ERMAP: variants seen among roughly 807,000 people sequenced by gnomAD.
ERMAP encodes erythroblast membrane associated protein (Scianna blood group), also known as erythroid membrane-associated protein.
In ERMAP, 34 loss-of-function variants were observed where a neutral mutation model predicts 49.5. The observed-to-expected ratio is 0.69, with a 90% confidence interval of 0.52 to 0.91. The LOEUF (loss-of-function observed/expected upper bound fraction) is 0.91, where lower values mean the gene tolerates loss of function less well. Among genes scored for constraint, ERMAP ranks in the 40% least tolerant of loss-of-function variants. ERMAP has a pLI of 0.00. For synonymous variants in ERMAP, 214 were observed against 232.2 expected (o/e 0.92, Z 0.71); for missense variants, 541 against 582.6 (o/e 0.93, Z 0.74).
At chr1:42,825,483 G>A (rs747380334) in intron 1 of ERMAP, 140 bp from the exon 2 acceptor site, 166 of 1,176,236 alleles carry the variant, frequency 1.4e-4, no homozygotes, top group Non-Finnish European at 1.7e-4. Flanking sequence ...TCTTTGCTCT[G>A]TTCTTTTATC....
chr1:42,818,192 G>A (rs907524772), intron 1 of ERMAP, among the ~76,000 whole-genome samples: 1 of 152,202 alleles, frequency 6.6e-6, no homozygotes, highest in African/African-American at 2.4e-5. Context: ...ATGGACACAC[G>A]CTTCCAGTCA....
Position 42,844,547 on chromosome 1 carries a change from G to A in ERMAP, c.*1315G>A, listed in dbSNP as rs11806841. The A allele has an allele frequency of 1.9e-3, 290 of 154,840 alleles. No individual in the cohort carries two copies. Among genetic ancestry groups the A allele is most frequent in the African/African-American group, 6.7e-3 (280 of 41,694 alleles). The allele number at this position is 154,840 out of a possible 1,614,324, so 9.6% of individuals were successfully genotyped here. ...GGCGGTTAAATCCCAAGATCTGCAG[G>A]ATAAGTCAGCAAGATGGAGTCCCAT... On this transcript the variant is annotated 3_prime_UTR_variant, in exon 12 of 12. Transcript: ENST00000372517. The surrounding 1 kb of genome is among the most constrained non-coding windows in gnomAD (Gnocchi z 4.0).
At chr1:42,842,381 T>TG in intron 11 of ERMAP, 136 bp from the exon 12 acceptor site, 1 of 688,602 alleles carries the variant, frequency 1.5e-6, no homozygotes, top group East Asian at 2.7e-5. Flanking sequence ...GTACACATGG[T>TG]GGGGGCGGGA....
Position 42,825,674 on chromosome 1 carries a change from T to C in ERMAP, c.-70T>C, listed in dbSNP as rs1654523233. 22 of 1,289,122 alleles carry C rather than the reference T, an allele frequency of 1.7e-5. No homozygotes were observed. Among genetic ancestry groups the C allele is most frequent in the Non-Finnish European group, 2.2e-5 (22 of 988,836 alleles). The allele number at this position is 1,289,122 out of a possible 1,614,324, so 79.9% of individuals were successfully genotyped here. A position where few individuals can be genotyped will look rare whatever the true frequency, so the allele number is the denominator to read the frequency against. On this transcript the variant is annotated 5_prime_UTR_variant, in exon 2 of 12. Coordinates refer to ENST00000372517, the MANE Select transcript of ERMAP (RefSeq NM_001017922.2). ...CTGGTCTCTCTGCATGGGGAAGGAG[T>C]GTTCCCAGCTTGCAAACTCCAGCTT... is the stretch of plus-strand genomic sequence containing the variant.
chr1:42,839,024 C>T (rs1489059668), intron 8 of ERMAP, 103 bp downstream of exon 8: 27 of 1,590,570 alleles, frequency 1.7e-5, no homozygotes, highest in Non-Finnish European at 2.3e-5. Context: ...GGAGGGGGTA[C>T]TGGTAATTCA....
At chr1:42,823,117 A>G (rs550125901) in intron 1 of ERMAP, among the ~76,000 whole-genome samples, 29 of 152,222 alleles carry the variant, frequency 1.9e-4, no homozygotes, top group Non-Finnish European at 3.8e-4. Context: ...AATCGTGGAT[A>G]TTCTTTGATA....
At chr1:42,827,227 GGGCGTGATCAT>G (rs1229654763) in intron 2 of ERMAP, among the ~76,000 whole-genome samples, 4 of 152,104 alleles carry the variant, frequency 2.6e-5, no homozygotes, top group African/African-American at 9.7e-5. Context: ...TGGAGTGCAG[GGGCGTGATCAT>G]GGCTCACTGC....
intron 4 of ERMAP, 149 bp from the exon 5 acceptor site, chr1:42,834,889 A>T: frequency 3.1e-6 from 2 of 655,172 alleles, no homozygotes; most frequent in South Asian, 3.6e-5. Flanking sequence ...GGCTTGAGTT[A>T]TCAGAGAAGC....
chr1:42,834,909 C>T, intron 4 of ERMAP, 129 bp from the exon 5 acceptor site: 1 of 675,082 alleles, frequency 1.5e-6, no homozygotes, highest in Non-Finnish European at 2.7e-6. Context: ...CAAAGAGCCT[C>T]TTGGCCGGAG....
chr1:42,817,173 G>A lies in ERMAP; in HGVS notation c.-202G>A, dbSNP rs1055395092. 3.2e-6 allele frequency: 4 copies of A among 1,236,398 alleles called. No individual in the cohort carries two copies. The highest frequency in any genetic ancestry group is 4.2e-6 in the Non-Finnish European group (4 of 963,296). The allele number at this position is 1,236,398 out of a possible 1,614,324, so 76.6% of individuals were successfully genotyped here. A position where few individuals can be genotyped will look rare whatever the true frequency, so the allele number is the denominator to read the frequency against. On this transcript the variant is annotated 5_prime_UTR_variant, in exon 1 of 12. Coordinates refer to ENST00000372517, the MANE Select transcript of ERMAP (RefSeq NM_001017922.2). ...CGGTCGCTGGAGCCGCCGACCAAGAGGCTTGGGAGTCTGTACCTTTCCCGA... is the reference window on the plus strand; with the variant it reads ...CGGTCGCTGGAGCCGCCGACCAAGAAGCTTGGGAGTCTGTACCTTTCCCGA...
intron 5 of ERMAP, 122 bp from the exon 6 acceptor site, chr1:42,835,610 C>A: frequency 1.5e-6 from 2 of 1,294,858 alleles, no homozygotes; most frequent in Non-Finnish European, 1.1e-6. Context: ...CTTTCAAATG[C>A]CCGCTTACCT....
rs1013420206 is a variant in ERMAP, at chr1:42,827,789, G to A, written c.-6+2051G>A. The stretch of plus-strand genomic sequence containing the variant: ...ATAACTCATGATACAGGGCTATATA[G>A]GCATGCATTCATTCATCTGTTTATC... On this transcript the variant is annotated intron_variant, in intron 2 of 11. Coordinates refer to ENST00000372517, the MANE Select transcript of ERMAP (RefSeq NM_001017922.2). Among the ~76,000 whole-genome samples, 9 of 152,092 alleles carry A rather than the reference G, an allele frequency of 5.9e-5. No homozygotes were observed. The East Asian group carries it at 1.2e-3, about 19-fold the overall frequency.
At chr1:42,827,638 A>C (rs1337791548) in intron 2 of ERMAP, among the ~76,000 whole-genome samples, 1 of 152,252 alleles carries the variant, frequency 6.6e-6, no homozygotes, top group Admixed American at 6.5e-5. Context: ...AAAAAGCCCC[A>C]AACTGTGGCA....
chr1:42,835,186 G>A (rs1654857531), intron 5 of ERMAP, 32 bp downstream of exon 5: 2 of 912,018 alleles, frequency 2.2e-6, no homozygotes, highest in Non-Finnish European at 3.7e-6. Flanking sequence ...TCAGGCTGGT[G>A]GGAAGTGGGA....
At chr1:42,836,671 C>A (rs545599268) in intron 6 of ERMAP, among the ~76,000 whole-genome samples, 44 of 152,190 alleles carry the variant, frequency 2.9e-4, no homozygotes, top group African/African-American at 1.1e-3. Context: ...GCCTGATTAA[C>A]ATGGCGAAAC....
chr1:42,837,069 C>T, intron 6 of ERMAP, 89 bp from the exon 7 acceptor site: 1 of 1,350,606 alleles, frequency 7.4e-7, no homozygotes, highest in African/African-American at 1.4e-5. Context: ...TAGAGGTGGA[C>T]AGGTCCAAGG....
At chr1:42,840,499 T>C (rs1655028256) in intron 11 of ERMAP, among the ~76,000 whole-genome samples, 2 of 152,206 alleles carry the variant, frequency 1.3e-5, no homozygotes, top group Non-Finnish European at 2.9e-5. Context: ...TCCCCTCTTT[T>C]AGAGCACTGA....
chr1:42,819,253 G>A lies in ERMAP; in HGVS notation c.-122+2000G>A, dbSNP rs372812137. ...CGAGAGAGAGAAAGAGCTAGATTAC[G>A]CTTCAAGTGGCAATAGGCAAGAAGA... On this transcript the variant is annotated intron_variant, in intron 1 of 11. Coordinates refer to ENST00000372517, the MANE Select transcript of ERMAP (RefSeq NM_001017922.2). The surrounding 1 kb of genome is among the most constrained non-coding windows in gnomAD (Gnocchi z 5.1). Among the ~76,000 whole-genome samples the A allele has an allele frequency of 6.6e-6, 1 of 150,712 alleles. No homozygotes were observed. The highest frequency in any genetic ancestry group is 6.6e-5 in the Admixed American group (1 of 15,098).
intron 2 of ERMAP, among the ~76,000 whole-genome samples, chr1:42,826,633 A>T (rs889018616): frequency 1.3e-5 from 2 of 152,132 alleles, no homozygotes; most frequent in African/African-American, 4.8e-5. Context: ...CGAGGAGGGC[A>T]GATCATGAGG....
Sources: allele counts gnomAD v4.1 joint callset (sites outside exome capture counted in the v4.1 genomes callset), GRCh38; gene constraint gnomAD v4.1.1; non-coding constraint Gnocchi (gnomAD v3.1); transcripts MANE v1.5; gene names NCBI Gene and HGNC (gene_info 2026-07-23, HGNC 2026-07-21).